The following RTN4RL1 variants were observed in gnomAD, a reference collection of about 807,000 sequenced individuals.
RTN4RL1 encodes reticulon-4 receptor-like 1.
RTN4RL1 carries 7 observed loss-of-function variants against 25.6 expected under a neutral mutation model. That is an observed-to-expected ratio of 0.27 (90% CI 0.16 to 0.51). RTN4RL1 has a LOEUF of 0.51. Among genes scored for constraint, RTN4RL1 ranks in the 20% least tolerant of loss-of-function variants. The pLI is 0.97. For missense variants in RTN4RL1, 500 were observed against 615.6 expected (o/e 0.81, Z 1.99); for synonymous variants, 297 against 288.2 (o/e 1.03, Z -0.31).
At chr17:1,939,076 G>GCCC (rs1915377648) in intron 1 of RTN4RL1, among the ~76,000 whole-genome samples, 9 of 151,172 alleles carry the variant, frequency 6.0e-5, no homozygotes, top group African/African-American at 2.2e-4. Context: ...ATAAAGGCCG[G>GCCC]GAGCAGTGGC....
intron 1 of RTN4RL1, among the ~76,000 whole-genome samples, chr17:2,012,098 G>A (rs2067057439): frequency 6.6e-6 from 1 of 152,202 alleles, no homozygotes; most frequent in Non-Finnish European, 1.5e-5. Context: ...GGCAATTTTA[G>A]CATGTTTGGT....
intron 1 of RTN4RL1, chr17:2,019,458 C>T (rs1186523542): frequency 6.6e-6 from 1 of 152,276 alleles, no homozygotes; most frequent in African/African-American, 2.4e-5. Flanking sequence ...TTTTTAAAGC[C>T]TCATCCCAAA....
At chr17:1,948,022 T>C (rs1915593649) in intron 1 of RTN4RL1, among the ~76,000 whole-genome samples, 1 of 152,194 alleles carries the variant, frequency 6.6e-6, no homozygotes, top group Non-Finnish European at 1.5e-5. Context: ...CCACTCCTGC[T>C]TAGGGCTCTC....
intron 1 of RTN4RL1, among the ~76,000 whole-genome samples, chr17:1,966,491 G>T (rs776899105): frequency 2.0e-4 from 31 of 152,258 alleles, no homozygotes; most frequent in South Asian, 4.1e-4. Flanking sequence ...ATTCTGACCC[G>T]GAATCCAAGG....
At chr17:1,960,572 TAAA>T (rs1476598395) in intron 1 of RTN4RL1, among the ~76,000 whole-genome samples, 3 of 152,180 alleles carry the variant, frequency 2.0e-5, no homozygotes, top group Non-Finnish European at 4.4e-5. Flanking sequence ...TTATTACAAA[TAAA>T]TAACTAAAAG....
chr17:1,950,657 G>C (rs938582177), intron 1 of RTN4RL1, among the ~76,000 whole-genome samples: 1 of 151,210 alleles, frequency 6.6e-6, no homozygotes, highest in East Asian at 2.0e-4. Context: ...GACCAGCCTG[G>C]TCAACATGGT....
chr17:1,951,515 G>A (rs1208996929), intron 1 of RTN4RL1, among the ~76,000 whole-genome samples: 2 of 151,734 alleles, frequency 1.3e-5, no homozygotes, highest in African/African-American at 4.8e-5. Context: ...GCAGTGGTGC[G>A]ATCTCGGCTC....
chr17:1,971,666 C>A (rs922486141), intron 1 of RTN4RL1, among the ~76,000 whole-genome samples: 16 of 148,572 alleles, frequency 1.1e-4, no homozygotes, highest in Non-Finnish European at 4.5e-5. Context: ...CCTGTCTCTA[C>A]AAAAAAAAAA....
chr17:2,018,106 A>T (rs912988776), intron 1 of RTN4RL1: 1 of 152,420 alleles, frequency 6.6e-6, no homozygotes, highest in Admixed American at 6.5e-5. Flanking sequence ...GCCCCCCAGG[A>T]GGTAGGGAGC....
In RTN4RL1 at chr17:1,994,971, T is replaced by C. The variant is rs552115333; in HGVS notation, c.13+29882A>G. Reference sequence around the variant, plus strand: ...AATCATGAAATGAGATGACAGAGGCTGTCAACAGATGGCCAGAAATACTCC... The same window carrying C: ...AATCATGAAATGAGATGACAGAGGCCGTCAACAGATGGCCAGAAATACTCC... On this transcript the variant is annotated intron_variant, in intron 1 of 1. Transcript: ENST00000331238. This position sits in a 1 kb window ranked among gnomAD's most constrained non-coding sequence, Gnocchi z 4.3. Among the ~76,000 whole-genome samples, 1 of 150,278 alleles carries C rather than the reference T, an allele frequency of 6.7e-6. No individual in the cohort carries two copies. Among genetic ancestry groups the C allele is most frequent in the Admixed American group, 6.6e-5 (1 of 15,140 alleles).
intron 1 of RTN4RL1, among the ~76,000 whole-genome samples, chr17:1,981,083 C>T (rs2066865377): frequency 6.6e-6 from 1 of 151,974 alleles, no homozygotes; most frequent in African/African-American, 2.4e-5. Flanking sequence ...CAGGGAGTCA[C>T]AGTGCAAGAG....
At chr17:2,000,641 T>C (rs1002421218) in intron 1 of RTN4RL1, among the ~76,000 whole-genome samples, 3 of 152,166 alleles carry the variant, frequency 2.0e-5, no homozygotes, top group African/African-American at 7.2e-5. Context: ...TGCCTCAGCC[T>C]CCTGAGTAGC....
At chr17:2,023,810 G>C (rs1294111158) in intron 1 of RTN4RL1, 19 of 152,258 alleles carry the variant, frequency 1.2e-4, no homozygotes, top group Non-Finnish European at 2.8e-4. Context: ...GCTGGAGCGT[G>C]GAGCGCAGGG....
chr17:1,962,047 T>C (rs2066766418), intron 1 of RTN4RL1, among the ~76,000 whole-genome samples: 1 of 150,338 alleles, frequency 6.7e-6, no homozygotes, highest in South Asian at 2.1e-4. Flanking sequence ...TTTGGGAGGC[T>C]GAGGTAAGAG....
intron 1 of RTN4RL1, among the ~76,000 whole-genome samples, chr17:1,976,757 T>A (rs1313202678): frequency 1.3e-5 from 2 of 152,220 alleles, no homozygotes; most frequent in Non-Finnish European, 2.9e-5. Flanking sequence ...GGGGTGACAC[T>A]GTCCAGAGAC....
intron 1 of RTN4RL1, among the ~76,000 whole-genome samples, chr17:1,986,104 G>A (rs918781938): frequency 2.0e-5 from 3 of 151,968 alleles, no homozygotes; most frequent in Non-Finnish European, 2.9e-5. Context: ...GACTAGGCCC[G>A]TTGGTGGAAG....
chr17:1,961,053 G>A (rs1456530363), intron 1 of RTN4RL1, among the ~76,000 whole-genome samples: 1 of 152,140 alleles, frequency 6.6e-6, no homozygotes, highest in Non-Finnish European at 1.5e-5. Flanking sequence ...CACATTTATT[G>A]TCTTTCCCCT....
At chr17:1,941,873 C>A (rs1268425528) in intron 1 of RTN4RL1, among the ~76,000 whole-genome samples, 1 of 152,198 alleles carries the variant, frequency 6.6e-6, no homozygotes, top group Non-Finnish European at 1.5e-5. Context: ...TGCTGGGTTT[C>A]TCCCAGGGAG....
Position 1,962,117 on chromosome 17 carries a change from TAAA to T in RTN4RL1, c.14-24312_14-24310del, listed in dbSNP as rs71150837. 7.3e-4 allele frequency among the ~76,000 whole-genome samples: 103 copies of T among 141,736 alleles called. 1 individual carries two copies. The highest frequency in any genetic ancestry group is 2.8e-3 in the Admixed American group (40 of 14,072). 93.0% of individuals were successfully genotyped at this position (141,736 alleles called of 152,430 possible). On this transcript the variant is annotated intron_variant, in intron 1 of 1. Transcript: ENST00000331238. ...GGCAACACAGCAAGACCCTATCTCT[TAAA>T]AAAAAAAAAAAAATTAGCCAGGCGT...
Sources: allele counts gnomAD v4.1 joint callset (sites outside exome capture counted in the v4.1 genomes callset), GRCh38; gene constraint gnomAD v4.1.1; non-coding constraint Gnocchi (gnomAD v3.1); transcripts MANE v1.5; gene names NCBI Gene and HGNC (gene_info 2026-07-23, HGNC 2026-07-21).